Variants in LIMS1 observed in about 807,000 individuals in gnomAD.
LIMS1 encodes the protein LIM zinc finger domain containing 1.
In LIMS1, 18 loss-of-function variants were observed where a neutral mutation model predicts 44.1. That is an observed-to-expected ratio of 0.41 (90% CI 0.28 to 0.61). LIMS1 has a LOEUF of 0.61. Ranked by LOEUF, LIMS1 falls within the 20% of genes least tolerant of loss-of-function variation. The pLI is 0.32. For missense variants in LIMS1, 201 were observed against 422.0 expected (o/e 0.48, Z 4.59); for synonymous variants, 93 against 149.1 (o/e 0.62, Z 2.74).
In LIMS1 at chr2:108,581,948, A is replaced by AC. The variant is rs1180793253; in HGVS notation, c.32+47354_32+47355insC. Among the ~76,000 whole-genome samples, 111 of 152,204 alleles carry AC rather than the reference A, an allele frequency of 7.3e-4. 1 individual carries two copies. Among genetic ancestry groups the AC allele is most frequent in the African/African-American group, 2.5e-3 (104 of 41,548 alleles). ...GTGAAACTCCATCTCAAAAAAAAAA[A>AC]AAACAAACAAAAAATACTTGCTATA... On this transcript the variant is annotated intron_variant, in intron 1 of 9. Coordinates refer to ENST00000544547, the Ensembl canonical transcript of LIMS1.
chr2:108,607,232 C>T lies in LIMS1; in HGVS notation c.33-52373C>T, dbSNP rs966684490. ...TTGGACAGCCAGCTGATGAGGGACACATCGAATCAAGATACATGACATGGT... is the reference window on the plus strand; with the variant it reads ...TTGGACAGCCAGCTGATGAGGGACATATCGAATCAAGATACATGACATGGT... On this transcript the variant is annotated intron_variant, in intron 1 of 9. Coordinates refer to ENST00000544547, the Ensembl canonical transcript of LIMS1. The T allele has an allele frequency of 3.2e-6, 5 of 1,551,102 alleles. No homozygotes were observed. In the Admixed American group the frequency reaches 9.8e-5, roughly 30 times the overall value.
intron 1 of LIMS1, among the ~76,000 whole-genome samples, chr2:108,541,917 C>T (rs1402103838): frequency 1.4e-4 from 21 of 152,122 alleles, no homozygotes; most frequent in Admixed American, 1.4e-3. Flanking sequence ...TGGTAATTAC[C>T]AATTTCTGTT....
chr2:108,624,129 T>G (rs1688424239), intron 1 of LIMS1, among the ~76,000 whole-genome samples: 1 of 152,232 alleles, frequency 6.6e-6, no homozygotes, highest in African/African-American at 2.4e-5. Context: ...GTGACACAAG[T>G]GACATGCTTG....
chr2:108,680,770 AGTAAGT>A lies in LIMS1; in HGVS notation c.899+4_899+9del, dbSNP rs1324019877. ...ACCTGCAACACTAAATTAACACTCA[AGTAAGT>A]GTACGGTTTTGTCCAGTGTGAATCC... is the stretch of plus-strand genomic sequence containing the variant. On this transcript the variant is annotated splice_donor_variant and splice_donor_5th_base_variant and intron_variant, in intron 9 of 9. Transcript: ENST00000544547. LOFTEE classifies it high-confidence loss of function. 1 of 1,610,088 alleles carries A rather than the reference AGTAAGT, an allele frequency of 6.2e-7. No individual in the cohort carries two copies. The highest frequency in any genetic ancestry group is 1.1e-5 in the South Asian group (1 of 90,696).
chr2:108,607,169 A>G, intron 1 of LIMS1: 1 of 1,545,922 alleles, frequency 6.5e-7, no homozygotes, highest in South Asian at 1.2e-5. Context: ...GTGAGGACAC[A>G]GTGAGAGGGT....
intron 1 of LIMS1, among the ~76,000 whole-genome samples, chr2:108,656,727 GT>G (rs1359856690): frequency 3.5e-5 from 5 of 141,770 alleles, no homozygotes; most frequent in African/African-American, 1.3e-4. Context: ...CTGTGTGCTT[GT>G]TTTTATGATG....
At chr2:108,542,342 C>A (rs1684342204) in intron 1 of LIMS1, among the ~76,000 whole-genome samples, 1 of 152,202 alleles carries the variant, frequency 6.6e-6, no homozygotes, top group African/African-American at 2.4e-5. Flanking sequence ...CCTACTTCCA[C>A]ACAAATACCT....
At chr2:108,615,135 A>C (rs80059978) in intron 1 of LIMS1, among the ~76,000 whole-genome samples, 1 of 152,322 alleles carries the variant, frequency 6.6e-6, no homozygotes, top group East Asian at 1.9e-4. Flanking sequence ...ACAATATCTA[A>C]AAAGTGATTT....
At chr2:108,610,578 A>G (rs1326802921) in intron 1 of LIMS1, among the ~76,000 whole-genome samples, 1 of 152,158 alleles carries the variant, frequency 6.6e-6, no homozygotes, top group Non-Finnish European at 1.5e-5. Flanking sequence ...TGGACATGCT[A>G]TTACCATATC....
intron 2 of LIMS1, among the ~76,000 whole-genome samples, 158 bp from the exon 3 acceptor site, chr2:108,670,623 G>A (rs1279301933): frequency 6.6e-6 from 1 of 151,926 alleles, no homozygotes; most frequent in Non-Finnish European, 1.5e-5. Context: ...TATGGATGGT[G>A]CAAAAGAGTA....
rs11289639 is a variant in LIMS1, at chr2:108,558,222, C to CT, written c.32+23641dup. On this transcript the variant is annotated intron_variant, in intron 1 of 9. Transcript: ENST00000544547. ...CACCTGAAGATTTGTGCATTTTTTT[C>CT]TTTTTTTTTTTTTGAGACGGAGTCT... Among the ~76,000 whole-genome samples the CT allele has an allele frequency of 1.7e-3, 243 of 144,092 alleles. 2 individuals carry two copies. The highest frequency in any genetic ancestry group is 7.3e-3 in the Middle Eastern group (2 of 274). 94.5% of individuals were successfully genotyped at this position (144,092 alleles called of 152,430 possible). A position where few individuals can be genotyped will look rare whatever the true frequency, so the allele number is the denominator to read the frequency against.
intron 1 of LIMS1, among the ~76,000 whole-genome samples, chr2:108,554,065 G>A (rs565475533): frequency 1.3e-5 from 2 of 152,262 alleles, no homozygotes; most frequent in South Asian, 4.1e-4. Context: ...TGAGACCTGG[G>A]CCCTGGAATT....
intron 1 of LIMS1, among the ~76,000 whole-genome samples, chr2:108,539,853 T>A (rs1204888955): frequency 6.6e-6 from 1 of 152,226 alleles, no homozygotes; most frequent in Non-Finnish European, 1.5e-5. Flanking sequence ...CCTAACATGG[T>A]TGCTTTTGTT....
At chr2:108,545,623 ACT>A (rs1382508655) in intron 1 of LIMS1, among the ~76,000 whole-genome samples, 2 of 151,958 alleles carry the variant, frequency 1.3e-5, no homozygotes, top group African/African-American at 2.4e-5. Flanking sequence ...GGACCACTTT[ACT>A]CTCTTAAAAA....
At chr2:108,562,317 G>T (rs1685152423) in intron 1 of LIMS1, among the ~76,000 whole-genome samples, 1 of 152,172 alleles carries the variant, frequency 6.6e-6, no homozygotes. Context: ...TCAAAAGCGA[G>T]AAACAAGTAA....
chr2:108,660,080 T>G (rs2433809), intron 2 of LIMS1: 2 of 370,342 alleles, frequency 5.4e-6, no homozygotes, highest in African/African-American at 5.6e-5. Context: ...AAATTCTTTC[T>G]GAGTCTTCAG....
chr2:108,646,833 ATAGCTGGGACTATGAG>A (rs1185327763), intron 1 of LIMS1, among the ~76,000 whole-genome samples: 3 of 152,048 alleles, frequency 2.0e-5, no homozygotes, highest in Non-Finnish European at 2.9e-5. Context: ...AGCCTCCCGA[ATAGCTGGGACTATGAG>A]TAGCTGGGAC....
chr2:108,661,986 T>C (rs1261855481), intron 2 of LIMS1, among the ~76,000 whole-genome samples: 1 of 152,222 alleles, frequency 6.6e-6, no homozygotes, highest in African/African-American at 2.4e-5. Context: ...TAGTATCTAA[T>C]ACAATATTCT....
chr2:108,607,626 A>G (rs1687343853), intron 1 of LIMS1, among the ~76,000 whole-genome samples: 1 of 152,114 alleles, frequency 6.6e-6, no homozygotes, highest in Admixed American at 6.5e-5. Flanking sequence ...GTCCTCATTT[A>G]CCTGTTAATT....
Sources: gnomAD v4.1 joint callset for allele counts (sites outside exome capture counted in the v4.1 genomes callset) on GRCh38, gnomAD v4.1.1 for gene constraint, MANE v1.5 for transcripts, NCBI Gene and HGNC (gene_info 2026-07-23, HGNC 2026-07-21) for gene names.